The following EFTUD2 variants were observed in gnomAD, a reference collection of about 807,000 sequenced individuals.
EFTUD2 encodes 116 kDa U5 small nuclear ribonucleoprotein component.
A neutral mutation model predicts 114.3 loss-of-function variants in EFTUD2; 9 were observed. The ratio of observed to expected loss-of-function variants is 0.08; its 90% CI spans 0.05 to 0.14. The LOEUF is 0.14. Ranked by LOEUF, EFTUD2 falls within the 10% of genes least tolerant of loss-of-function variation. EFTUD2 has a pLI of 1.00. For synonymous variants in EFTUD2, 449 were observed against 462.3 expected (o/e 0.97, Z 0.37); for missense variants, 765 against 1,241.2 (o/e 0.62, Z 5.76).
intron 11 of EFTUD2, among the ~76,000 whole-genome samples, chr17:44,871,865 A>G (rs1470539244): frequency 6.6e-6 from 1 of 152,226 alleles, no homozygotes; most frequent in Non-Finnish European, 1.5e-5. Context: ...CTCTCAGTGC[A>G]CGATTCCTAT....
intron 7 of EFTUD2, among the ~76,000 whole-genome samples, chr17:44,880,973 A>G (rs551751521): frequency 3.3e-4 from 50 of 152,360 alleles, no homozygotes; most frequent in African/African-American, 1.1e-3. Flanking sequence ...TTGAAAGTAA[A>G]AAGAAACAAT....
chr17:44,852,973 T>C (rs892361554), intron 25 of EFTUD2, among the ~76,000 whole-genome samples: 8 of 150,692 alleles, frequency 5.3e-5, no homozygotes, highest in Non-Finnish European at 1.5e-5. Flanking sequence ...CTCCGCCTCC[T>C]GGGTTCACGC....
intron 10 of EFTUD2, among the ~76,000 whole-genome samples, chr17:44,874,593 T>C (rs1022835127): frequency 2.6e-5 from 4 of 152,148 alleles, no homozygotes; most frequent in African/African-American, 7.2e-5. Flanking sequence ...ACAGGCCCAT[T>C]TGAGGGGCTG....
At chr17:44,885,516 G>C (rs1369392573) in intron 3 of EFTUD2, among the ~76,000 whole-genome samples, 182 bp from the exon 4 acceptor site, 1 of 151,756 alleles carries the variant, frequency 6.6e-6, no homozygotes, top group African/African-American at 2.4e-5. Flanking sequence ...GACAGTGAAG[G>C]ACCTTGAATT....
In EFTUD2 at chr17:44,875,996, C is replaced by T. The variant is rs1206054754; in HGVS notation, c.807G>A (p.Leu269=). Residue 269 remains leucine, a synonymous_variant, in exon 10 of 28, where the codon CTG becomes CTA. Transcript: ENST00000426333. ...GCTTGTAATAAGCATCAGTTGGAGG[C>T]AGCTTCAGCTCCAGGATCAGCCGGT... ...KIDRLILELK[L]PPTDAYYKLR... is the part of the protein sequence containing the mutation. 2 of 1,614,026 alleles carry T rather than the reference C, an allele frequency of 1.2e-6. No homozygotes were observed. The highest frequency in any genetic ancestry group is 1.3e-5 in the African/African-American group (1 of 74,930).
intron 4 of EFTUD2, among the ~76,000 whole-genome samples, chr17:44,884,550 T>C (rs959432759): frequency 1.3e-5 from 2 of 148,296 alleles, no homozygotes; most frequent in African/African-American, 5.0e-5. Flanking sequence ...AGAGAGCACC[T>C]AAATGATCCT....
intron 2 of EFTUD2, among the ~76,000 whole-genome samples, chr17:44,891,210 T>C (rs1276478823): frequency 2.6e-5 from 4 of 152,100 alleles, no homozygotes; most frequent in African/African-American, 7.2e-5. Flanking sequence ...AAAAGAAACA[T>C]ACATAAATTA....
chr17:44,863,889 A>G (rs1339420770), intron 14 of EFTUD2, 107 bp from the exon 15 acceptor site: 2 of 1,437,866 alleles, frequency 1.4e-6, no homozygotes, highest in Middle Eastern at 4.2e-4. Context: ...GCGGGGACTG[A>G]TTGTTAGCTC....
Position 44,886,689 on chromosome 17 carries a change from T to C in EFTUD2, c.167A>G (p.Glu56Gly), listed in dbSNP as rs200633030. 2 of 1,614,116 alleles carry C rather than the reference T, an allele frequency of 1.2e-6. No individual in the cohort carries two copies. Among genetic ancestry groups the C allele is most frequent in the East Asian group, 2.2e-5 (1 of 44,878 alleles). The change falls in exon 3 of 28, where the codon GAG (glutamate) becomes GGG (glycine). Residue 56 changes from glutamate to glycine, a missense_variant. Physicochemically the swap from Glu to Gly is moderately conservative, Grantham distance 98. Around this residue, in one of 6 missense-constraint regions of EFTUD2, gnomAD observed 121 missense variants for 133.7 expected, o/e 0.90. Transcript: ENST00000426333. ...CTTCTTGTCCTCATGCAGCACCACC[T>C]CCATCCCAGGGTGGTCATCGTCATG... ...GDHDDDHPGM[E>G]VVLHEDKKYY... is the part of the protein sequence containing the mutation.
Position 44,853,502 on chromosome 17 carries a change from G to A in EFTUD2, c.2466+15C>T, listed in dbSNP as rs745769184. On this transcript the variant is annotated intron_variant, in intron 24 of 27. Coordinates refer to ENST00000426333, the MANE Select transcript of EFTUD2 (RefSeq NM_004247.4). Reference sequence around the variant, plus strand: ...CCAGTGAAGCAGATGGTCCCCTACCGCCCCATTCTCTTACCATGAGGAAGG... The same window carrying A: ...CCAGTGAAGCAGATGGTCCCCTACCACCCCATTCTCTTACCATGAGGAAGG... The A allele has an allele frequency of 2.5e-5, 40 of 1,613,572 alleles. No individual in the cohort carries two copies. The East Asian group carries it at 2.9e-4, about 12-fold the overall frequency.
At chr17:44,872,339 T>G in intron 11 of EFTUD2, 107 bp downstream of exon 11, 1 of 1,444,188 alleles carries the variant, frequency 6.9e-7, no homozygotes, top group Admixed American at 1.8e-5. Context: ...TGATAAAATG[T>G]TCCCCCAGCA....
chr17:44,868,198 T>G (rs2050785587), intron 12 of EFTUD2, 89 bp downstream of exon 12: 1 of 1,251,574 alleles, frequency 8.0e-7, no homozygotes, highest in Non-Finnish European at 1.1e-6. Flanking sequence ...AAGTAGGTAT[T>G]TAATCTTTGA....
At chr17:44,888,022 T>A (rs1038722955) in intron 2 of EFTUD2, among the ~76,000 whole-genome samples, 1 of 151,964 alleles carries the variant, frequency 6.6e-6, no homozygotes, top group Non-Finnish European at 1.5e-5. Flanking sequence ...GAAAAAGAGG[T>A]GCTACTGAAG....
intron 1 of EFTUD2, among the ~76,000 whole-genome samples, chr17:44,894,997 C>T (rs1014571497): frequency 1.3e-5 from 2 of 152,276 alleles, no homozygotes; most frequent in African/African-American, 4.8e-5. Context: ...CACAATGGCT[C>T]ATCACCTCCT....
intron 2 of EFTUD2, among the ~76,000 whole-genome samples, chr17:44,887,396 G>C (rs995839819): frequency 6.6e-6 from 1 of 152,146 alleles, no homozygotes; most frequent in Non-Finnish European, 1.5e-5. Context: ...ATTTATAATA[G>C]CCAAAAAGTG....
rs67944828 is a variant in EFTUD2 at position 44,863,102 on chromosome 17, TCTC to T, written c.1414-199_1414-197del. 0.22 allele frequency: 92,804 copies of T among 421,634 alleles called. 6,263 individuals are homozygous for T. Among genetic ancestry groups the T allele is most frequent in the Non-Finnish European group, 0.23 (54,916 of 241,002 alleles). 26.1% of individuals were successfully genotyped at this position (421,634 alleles called of 1,614,324 possible). On this transcript the variant is annotated intron_variant, in intron 15 of 27. Transcript: ENST00000426333. ...AGGAGACATGGCAGAGCAAAAATAT[TCTC>T]CTCTTTTTTTTTTTTTGGGAGGATA... is the stretch of plus-strand genomic sequence containing the variant.
chr17:44,871,755 A>G (rs891134740), intron 11 of EFTUD2, among the ~76,000 whole-genome samples: 63 of 152,316 alleles, frequency 4.1e-4, no homozygotes, highest in African/African-American at 1.4e-3. Context: ...TCCACCGCCT[A>G]CTGGTCATGA....
chr17:44,858,377 A>G (rs919423215), intron 19 of EFTUD2, among the ~76,000 whole-genome samples: 15 of 152,078 alleles, frequency 9.9e-5, no homozygotes, highest in African/African-American at 3.4e-4. Context: ...CTGGGACTAT[A>G]GGTGCAAGCC....
rs113625849 is a variant in EFTUD2, at chr17:44,893,128, T to G, written c.105+1289A>C. The stretch of plus-strand genomic sequence containing the variant: ...CTAAGTACTCAACAGTCATTTTTTT[T>G]TTTTTTTGTTTGAGACCGAGTCTCA... On this transcript the variant is annotated intron_variant, in intron 2 of 27. Transcript: ENST00000426333. Among the ~76,000 whole-genome samples, 1,361 of 152,064 alleles carry G rather than the reference T, an allele frequency of 9.0e-3. 16 individuals are homozygous for G. Among genetic ancestry groups the G allele is most frequent in the African/African-American group, 0.023 (947 of 41,482 alleles).
Sources: gnomAD v4.1 joint callset for allele counts (sites outside exome capture counted in the v4.1 genomes callset) on GRCh38, gnomAD v4.1.1 for gene constraint, gnomAD v4.1.1 regional missense constraint, MANE v1.5 for transcripts, NCBI Gene and HGNC (gene_info 2026-07-23, HGNC 2026-07-21) for gene names.